The following FARSB variants were observed in gnomAD, a reference collection of about 807,000 sequenced individuals.
FARSB encodes the protein phenylalanyl-tRNA synthetase subunit beta.
A neutral mutation model predicts 69.6 loss-of-function variants in FARSB; 40 were observed. The observed-to-expected ratio is 0.57, with a 90% CI of 0.45 to 0.75. The LOEUF (loss-of-function observed/expected upper bound fraction) is 0.75. Ranked by LOEUF, FARSB falls within the 30% of genes least tolerant of loss-of-function variation. The pLI is 0.00. For synonymous variants in FARSB, 235 were observed against 247.2 expected, an observed-to-expected ratio of 0.95 and a Z score of 0.46; for missense variants, 632 against 722.9, an observed-to-expected ratio of 0.87 and a Z score of 1.44.
At chr2:222,615,454 T>C (rs1184808429) in intron 14 of FARSB, among the ~76,000 whole-genome samples, 1 of 152,234 alleles carries the variant, frequency 6.6e-6, no homozygotes, top group Non-Finnish European at 1.5e-5. Flanking sequence ...TGGGGCCCTA[T>C]GTGATGTGCC....
intron 1 of FARSB, among the ~76,000 whole-genome samples, chr2:222,653,010 C>A (rs940133224): frequency 2.0e-5 from 3 of 152,172 alleles, no homozygotes; most frequent in Non-Finnish European, 1.5e-5. Flanking sequence ...CGAAATGACA[C>A]ATCAAGTAAC....
chr2:222,646,625 A>C (rs1182622332), intron 2 of FARSB, among the ~76,000 whole-genome samples: 1 of 152,226 alleles, frequency 6.6e-6, no homozygotes, highest in Non-Finnish European at 1.5e-5. Flanking sequence ...TATCTTCTTT[A>C]GTAGATATTT....
In FARSB at chr2:222,624,301, G is replaced by A. The variant is rs1471491799; in HGVS notation, c.1141C>T (p.Leu381Phe). ...AYGYNNIQMT[L>F]PKTYTIANQF... ...TTAGCTATGGTGTAAGTTTTCGGGA[G>A]AGTCATCTGAATGTTGTTATATCCA... Residue 381 changes from leucine (L) to phenylalanine (F), a missense_variant, in exon 12 of 17, where the codon CTC (leucine) becomes TTC (phenylalanine). Leu to Phe is a conservative substitution (Grantham distance 22). Transcript: ENST00000281828. 7 of 1,611,302 alleles carry A rather than the reference G, an allele frequency of 4.3e-6. No homozygotes were observed. In the South Asian group the frequency reaches 6.6e-5, roughly 15 times the overall value.
chr2:222,584,545 C>T (rs1401331734), intron 16 of FARSB, among the ~76,000 whole-genome samples: 4 of 152,212 alleles, frequency 2.6e-5, no homozygotes, highest in Non-Finnish European at 4.4e-5. Flanking sequence ...GGCAGGGCAT[C>T]TCCTCACCCA....
chr2:222,588,875 G>C (rs1273677292), intron 16 of FARSB, among the ~76,000 whole-genome samples: 1 of 152,130 alleles, frequency 6.6e-6, no homozygotes, highest in Non-Finnish European at 1.5e-5. Context: ...ACAAACAAAT[G>C]GAAGAATATT....
intron 16 of FARSB, among the ~76,000 whole-genome samples, chr2:222,594,046 C>T (rs577575709): frequency 5.6e-4 from 71 of 126,008 alleles, no homozygotes; most frequent in Admixed American, 9.8e-4. Flanking sequence ...TGTTTGATAC[C>T]GGGAGCTTAA....
chr2:222,617,476 A>G (rs111524583), intron 14 of FARSB, among the ~76,000 whole-genome samples: 8,530 of 152,236 alleles, frequency 0.056, 484 homozygotes, highest in African/African-American at 0.15. Context: ...AAAACTACCT[A>G]TTGGGTACTA....
At chr2:222,629,791 A>G (rs1691369451) in intron 9 of FARSB, among the ~76,000 whole-genome samples, 1 of 152,154 alleles carries the variant, frequency 6.6e-6, no homozygotes, top group Admixed American at 6.5e-5. Context: ...CCCAGTCTCA[A>G]GTGCAGTGGC....
chr2:222,602,795 T>G (rs975324449), intron 15 of FARSB, among the ~76,000 whole-genome samples: 32 of 152,202 alleles, frequency 2.1e-4, no homozygotes, highest in African/African-American at 7.2e-4. Context: ...TCCCATTTGT[T>G]TGGGTCTTAT....
At chr2:222,643,072 G>A (rs1177481749) in intron 2 of FARSB, 67 bp from the exon 3 acceptor site, 2 of 976,832 alleles carry the variant, frequency 2.0e-6, no homozygotes, top group Non-Finnish European at 3.0e-6. Flanking sequence ...AGTAAAAGTT[G>A]TCAGCCCTAT....
chr2:222,577,896 T>C (rs17565005), intron 16 of FARSB, among the ~76,000 whole-genome samples: 40,507 of 152,096 alleles, frequency 0.27, 5,743 homozygotes, highest in Middle Eastern at 0.43. Context: ...TATTTTAAAG[T>C]CTAATCTTAA....
chr2:222,588,165 A>T (rs1486059862), intron 16 of FARSB, among the ~76,000 whole-genome samples: 2 of 152,220 alleles, frequency 1.3e-5, no homozygotes, highest in Non-Finnish European at 2.9e-5. Flanking sequence ...ATCCACCATG[A>T]TCAAGTTGGC....
In FARSB at chr2:222,633,236, G is replaced by T; in HGVS notation, c.678C>A (p.Ser226Arg). 2 of 1,580,202 alleles carry T rather than the reference G, an allele frequency of 1.3e-6. No individual in the cohort carries two copies. The highest frequency in any genetic ancestry group is 1.7e-6 in the Non-Finnish European group (2 of 1,150,562). The change falls in exon 7 of 17, where the codon AGC becomes AGA. Residue 226 changes from serine (S) to arginine (R), a missense_variant. Coordinates refer to ENST00000281828, the MANE Select transcript of FARSB (RefSeq NM_005687.5). The stretch of plus-strand genomic sequence containing the variant: ...GAGGCATTGAAAGGACGACACCATT[G>T]CTATCATAGATAACTGGATACAGGG... ...NKPLYPVIYD[S>R]NGVVLSMPPI...
chr2:222,646,727 G>A lies in FARSB; in HGVS notation c.114+2013C>T, dbSNP rs529686332. Among the ~76,000 whole-genome samples, 3 of 152,330 alleles carry A rather than the reference G, an allele frequency of 2.0e-5. No individual in the cohort carries two copies. In the East Asian group the frequency reaches 5.8e-4, roughly 29 times the overall value. On this transcript the variant is annotated intron_variant, in intron 2 of 16. Coordinates refer to ENST00000281828, the MANE Select transcript of FARSB (RefSeq NM_005687.5). ...GTCATCTTGTAATTGCCCAAAAACA[G>A]TCTCTTGCTCATTTTGCAGAAATAA...
rs1411840244 is a variant in FARSB, at chr2:222,571,062, A to C, written c.*809T>G. On this transcript the variant is annotated 3_prime_UTR_variant, in exon 17 of 17. Coordinates refer to ENST00000281828, the MANE Select transcript of FARSB (RefSeq NM_005687.5). ...TAATATCTCCCTGGGACAATAGAGA[A>C]ACTAGTAGCTCAATTAAGTATTTAA... The C allele has an allele frequency of 6.6e-6, 1 of 152,186 alleles. No homozygotes were observed. Among genetic ancestry groups the C allele is most frequent in the African/African-American group, 2.4e-5 (1 of 41,448 alleles). The allele number at this position is 152,186 out of a possible 1,614,324, so 9.4% of individuals were successfully genotyped here.
At chr2:222,654,711 T>G (rs147728404) in intron 1 of FARSB, among the ~76,000 whole-genome samples, 1,556 of 152,318 alleles carry the variant, frequency 0.01, 32 homozygotes, top group African/African-American at 0.035. Flanking sequence ...ACATAGAGAA[T>G]AGGTACTATC....
intron 1 of FARSB, among the ~76,000 whole-genome samples, chr2:222,654,997 G>T (rs1692133314): frequency 6.6e-6 from 1 of 152,150 alleles, no homozygotes; most frequent in Non-Finnish European, 1.5e-5. Flanking sequence ...AGGAGTTTAA[G>T]ACCAGCCTGG....
At chr2:222,605,264 C>A (rs191348166) in intron 15 of FARSB, among the ~76,000 whole-genome samples, 1 of 151,680 alleles carries the variant, frequency 6.6e-6, no homozygotes, top group Non-Finnish European at 1.5e-5. Context: ...TAAATTATCC[C>A]TTTCATACTA....
At chr2:222,574,599 A>G (rs1218345820) in intron 16 of FARSB, among the ~76,000 whole-genome samples, 1 of 152,184 alleles carries the variant, frequency 6.6e-6, no homozygotes, top group Non-Finnish European at 1.5e-5. Context: ...ATGCTGCCCT[A>G]TCATCCAATA....
Sources: allele counts gnomAD v4.1 joint callset (sites outside exome capture counted in the v4.1 genomes callset), GRCh38; gene constraint gnomAD v4.1.1; transcripts MANE v1.5; gene names NCBI Gene and HGNC (gene_info 2026-07-23, HGNC 2026-07-21).